Variants in MTUS1 observed in about 807,000 individuals in gnomAD.
MTUS1 encodes microtubule-associated tumor suppressor 1.
A neutral mutation model predicts 120.8 loss-of-function variants in MTUS1; 109 were observed. The observed-to-expected ratio is 0.90, with a 90% CI of 0.77 to 1.06. The LOEUF is 1.06. Ranked by LOEUF, MTUS1 falls within the 50% of genes least tolerant of loss-of-function variation. The probability of loss-of-function intolerance (pLI) is 0.00; values close to 1 mark genes in which losing one functional copy is unlikely to be tolerated. For missense variants in MTUS1, 2,210 were observed against 1,486.3 expected (o/e 1.49, Z -8.01); for synonymous variants, 737 against 550.5 (o/e 1.34, Z -4.74).
chr8:17,721,788 G>A (rs1265059362), intron 4 of MTUS1: 1 of 1,614,150 alleles, frequency 6.2e-7, no homozygotes, highest in South Asian at 1.1e-5. Context: ...GTGTCAATAA[G>A]GTAGCATCAT....
At chr8:17,698,864 C>T (rs931635213) in intron 6 of MTUS1, among the ~76,000 whole-genome samples, 2 of 152,108 alleles carry the variant, frequency 1.3e-5, no homozygotes, top group South Asian at 2.1e-4. Flanking sequence ...CTGCTACATA[C>T]ATTGCACCAC....
chr8:17,661,503 C>A (rs1308634251), intron 8 of MTUS1, among the ~76,000 whole-genome samples: 1 of 152,158 alleles, frequency 6.6e-6, no homozygotes. Context: ...ACTACCCTGG[C>A]TGATTTTAAC....
chr8:17,787,045 G>A (rs1035608258), intron 1 of MTUS1, among the ~76,000 whole-genome samples: 6 of 152,174 alleles, frequency 3.9e-5, no homozygotes, highest in African/African-American at 4.8e-5. Context: ...AAAAGCGATC[G>A]GAAGCTTCAG....
chr8:17,656,192 G>T, intron 8 of MTUS1, 127 bp from the exon 9 acceptor site: 1 of 797,794 alleles, frequency 1.3e-6, no homozygotes, highest in South Asian at 1.6e-5. Context: ...GGTCTCTAGT[G>T]ACCATGTCTT....
At chr8:17,689,809 A>G (rs1401721930) in intron 6 of MTUS1, among the ~76,000 whole-genome samples, 1 of 152,082 alleles carries the variant, frequency 6.6e-6, no homozygotes, top group African/African-American at 2.4e-5. Context: ...TATTCAATAA[A>G]TGGTGCTGGG....
At chr8:17,769,782 C>T (rs2049878449) in intron 1 of MTUS1, among the ~76,000 whole-genome samples, 1 of 151,946 alleles carries the variant, frequency 6.6e-6, no homozygotes, top group African/African-American at 2.4e-5. Flanking sequence ...GTGAAGACGA[C>T]ATGAAAGCCA....
chr8:17,715,676 C>T, intron 5 of MTUS1, 91 bp downstream of exon 5: 2 of 1,277,666 alleles, frequency 1.6e-6, no homozygotes, highest in East Asian at 2.3e-5. Context: ...GTTGACTATA[C>T]CATAAACCTA....
intron 1 of MTUS1, among the ~76,000 whole-genome samples, chr8:17,786,568 TTATC>T (rs35225651): frequency 0.73 from 110,287 of 151,498 alleles, 41,708 homozygotes; most frequent in Non-Finnish European, 0.85. Flanking sequence ...AAACACTGAG[TTATC>T]TTGAGGTTGC....
Position 17,645,824 on chromosome 8 carries a change from A to G in MTUS1, c.*102T>C, listed in dbSNP as rs1225443369. 6.9e-7 allele frequency: 1 copy of G among 1,454,940 alleles called. No individual in the cohort carries two copies. The highest frequency in any genetic ancestry group is 1.4e-5 in the African/African-American group (1 of 70,838). The allele number at this position is 1,454,940 out of a possible 1,614,324, so 90.1% of individuals were successfully genotyped here. ...GCTCCAGTTACCCTACGGTGATCAC[A>G]CGTGTGCTGATATACCTCTTGTGCC... On this transcript the variant is annotated 3_prime_UTR_variant, in exon 15 of 15. Coordinates refer to ENST00000693296, the MANE Select transcript of MTUS1 (RefSeq NM_001363059.2).
At chr8:17,759,388 C>T (rs1036003713) in intron 1 of MTUS1, among the ~76,000 whole-genome samples, 49 of 151,348 alleles carry the variant, frequency 3.2e-4, no homozygotes, top group African/African-American at 1.1e-3. Flanking sequence ...CTCAGCCTCC[C>T]GAGTAGCTGT....
intron 2 of MTUS1, among the ~76,000 whole-genome samples, chr8:17,752,342 T>C (rs1158167520): frequency 6.6e-6 from 1 of 152,194 alleles, no homozygotes; most frequent in Non-Finnish European, 1.5e-5. Flanking sequence ...AAACTAAGAA[T>C]GTTGATTAGA....
chr8:17,714,056 G>A (rs77089382), intron 5 of MTUS1, among the ~76,000 whole-genome samples: 3 of 152,196 alleles, frequency 2.0e-5, no homozygotes, highest in East Asian at 1.9e-4. Context: ...GTTCAACAGC[G>A]TTAACTTCAT....
chr8:17,756,763 C>A (rs912186331), intron 1 of MTUS1, among the ~76,000 whole-genome samples: 1 of 144,982 alleles, frequency 6.9e-6, no homozygotes, highest in Non-Finnish European at 1.5e-5. Context: ...GCTGATCCAA[C>A]AGAGCTGGTG....
intron 6 of MTUS1, among the ~76,000 whole-genome samples, chr8:17,694,853 T>A (rs928871976): frequency 5.9e-5 from 9 of 152,182 alleles, no homozygotes; most frequent in African/African-American, 2.2e-4. Flanking sequence ...TTTTCAAATC[T>A]TCAGCCAGAA....
intron 3 of MTUS1, among the ~76,000 whole-genome samples, chr8:17,737,096 T>C (rs555707982): frequency 4.1e-4 from 62 of 152,262 alleles, no homozygotes; most frequent in African/African-American, 1.4e-3. Flanking sequence ...CATATGTCCA[T>C]GAAAGAAGAC....
intron 6 of MTUS1, among the ~76,000 whole-genome samples, chr8:17,712,554 G>C (rs2937893): frequency 6.6e-6 from 1 of 152,082 alleles, no homozygotes; most frequent in East Asian, 1.9e-4. Flanking sequence ...GGCCAGGCTG[G>C]TCTTGAACTC....
chr8:17,742,436 C>T (rs2047409804), intron 3 of MTUS1, among the ~76,000 whole-genome samples: 1 of 151,896 alleles, frequency 6.6e-6, no homozygotes, highest in South Asian at 2.1e-4. Flanking sequence ...TTTCATCTCA[C>T]TCATGCCTTG....
rs1268760757 is a variant in MTUS1 at position 17,666,759 on chromosome 8, C to T, written c.2905+8427G>A. Reference sequence around the variant, plus strand: ...AGAGGGATCACCTTCCCCATCAACACAACATCTTTTTAGAAGTGCTGCCTC... The same window carrying T: ...AGAGGGATCACCTTCCCCATCAACATAACATCTTTTTAGAAGTGCTGCCTC... On this transcript the variant is annotated intron_variant, in intron 8 of 14. Coordinates refer to ENST00000693296, the MANE Select transcript of MTUS1 (RefSeq NM_001363059.2). Among the ~76,000 whole-genome samples, 3 of 152,290 alleles carry T rather than the reference C, an allele frequency of 2.0e-5. No homozygotes were observed. The East Asian group carries it at 5.8e-4, about 29-fold the overall frequency.
intron 1 of MTUS1, among the ~76,000 whole-genome samples, chr8:17,787,732 C>T (rs1164470610): frequency 6.6e-6 from 1 of 152,160 alleles, no homozygotes; most frequent in Non-Finnish European, 1.5e-5. Context: ...CACAATTGTA[C>T]ATTGCTACTG....
Sources: gnomAD v4.1 joint callset for allele counts (sites outside exome capture counted in the v4.1 genomes callset) on GRCh38, gnomAD v4.1.1 for gene constraint, MANE v1.5 for transcripts, NCBI Gene and HGNC (gene_info 2026-07-23, HGNC 2026-07-21) for gene names.